Variants in PCBP3 observed in about 807,000 individuals in gnomAD.
The protein encoded by PCBP3 is poly(rC) binding protein 3.
Under a neutral mutation model 52.7 loss-of-function variants are expected in PCBP3, and 25 were observed. The observed-to-expected ratio is 0.47, with a 90% CI of 0.35 to 0.66. PCBP3 has a LOEUF of 0.66. Ranked by LOEUF, PCBP3 falls within the 30% of genes least tolerant of loss-of-function variation. The pLI, the probability that PCBP3 is intolerant of heterozygous loss-of-function variation, is 0.01. For synonymous variants in PCBP3, 162 were observed against 183.0 expected (o/e 0.89, Z 0.93); for missense variants, 391 against 490.3 (o/e 0.80, Z 1.91).
intron 2 of PCBP3, among the ~76,000 whole-genome samples, chr21:45,695,119 A>G (rs2082692561): frequency 6.6e-6 from 1 of 152,204 alleles, no homozygotes; most frequent in Non-Finnish European, 1.5e-5. Context: ...TTGAAATAGA[A>G]GAGTCAAGAA....
chr21:45,646,251 G>T (rs989576719), intron 1 of PCBP3, among the ~76,000 whole-genome samples: 3 of 151,848 alleles, frequency 2.0e-5, no homozygotes, highest in African/African-American at 7.3e-5. Context: ...TGTTGAATGG[G>T]AGCGTGTCTT....
In PCBP3 at chr21:45,821,230, C is replaced by T. The variant is rs2093126200; in HGVS notation, c.-125-28731C>T. 6.6e-6 allele frequency among the ~76,000 whole-genome samples: 1 copy of T among 152,066 alleles called. No homozygotes were observed. Among genetic ancestry groups the T allele is most frequent in the Admixed American group, 6.5e-5 (1 of 15,284 alleles). On this transcript the variant is annotated intron_variant, in intron 4 of 17. Transcript: ENST00000681687. This position sits in a 1 kb window ranked among gnomAD's most constrained non-coding sequence, Gnocchi z 4.4. ...GACCCCCTCTCCTGTGCAGCCTCTC[C>T]CTAATCCTGGATTCCGCAGGGGCTC...
intron 2 of PCBP3, among the ~76,000 whole-genome samples, chr21:45,688,681 A>T (rs553691628): frequency 8.6e-4 from 131 of 152,274 alleles, no homozygotes; most frequent in African/African-American, 3.0e-3. Flanking sequence ...TAATCATTGT[A>T]CTTGAAAAAG....
chr21:45,933,373 T>A (rs2076536900), intron 15 of PCBP3, among the ~76,000 whole-genome samples: 1 of 152,236 alleles, frequency 6.6e-6, no homozygotes, highest in Non-Finnish European at 1.5e-5. Flanking sequence ...GACATTTCTT[T>A]ATATTATTTG....
chr21:45,731,076 A>G (rs2085417117), intron 2 of PCBP3, among the ~76,000 whole-genome samples: 1 of 151,920 alleles, frequency 6.6e-6, no homozygotes, highest in African/African-American at 2.4e-5. Context: ...TTGGATTTCT[A>G]TTTTTCCCAC....
rs375605912 is a variant in PCBP3, at chr21:45,807,759, C to CAA, written c.-125-42193_-125-42192dup. Among the ~76,000 whole-genome samples the CAA allele has an allele frequency of 7.1e-3, 1,049 of 146,916 alleles. 12 individuals carry two copies. The highest frequency in any genetic ancestry group is 0.025 in the African/African-American group (988 of 40,300). On this transcript the variant is annotated intron_variant, in intron 4 of 17. Transcript: ENST00000681687. The stretch of plus-strand genomic sequence containing the variant: ...CTAAGCAAAAAAAACAAAAACAAAA[C>CAA]AAAAAAAAAACCTGGAGGCATCATG...
At chr21:45,685,765 G>GA (rs1208386158) in intron 2 of PCBP3, among the ~76,000 whole-genome samples, 2 of 152,116 alleles carry the variant, frequency 1.3e-5, no homozygotes, top group African/African-American at 4.8e-5. Flanking sequence ...GAAAGACTCT[G>GA]AAGAGAAGTA....
intron 13 of PCBP3, chr21:45,918,259 CCT>C (rs1437729912): frequency 6.4e-6 from 1 of 155,826 alleles, no homozygotes; most frequent in Admixed American, 6.4e-5. Flanking sequence ...GGCTCCGACA[CCT>C]CTTTTCTGCT....
intron 4 of PCBP3, chr21:45,762,422 T>A (rs1455161590): frequency 6.6e-6 from 1 of 152,172 alleles, no homozygotes; most frequent in East Asian, 1.9e-4. Context: ...TCTTTCCATG[T>A]GCGTTACCAA....
chr21:45,930,075 G>A, intron 14 of PCBP3, 80 bp downstream of exon 14: 1 of 1,027,210 alleles, frequency 9.7e-7, no homozygotes. Flanking sequence ...ATTCGGTGCA[G>A]TGCATAGAAC....
intron 4 of PCBP3, among the ~76,000 whole-genome samples, chr21:45,782,008 T>C (rs967982129): frequency 6.6e-6 from 1 of 152,200 alleles, no homozygotes; most frequent in Non-Finnish European, 1.5e-5. Context: ...CCGTTATGTG[T>C]ATCAGTAGTT....
At chr21:45,874,518 T>G (rs2095171916) in intron 5 of PCBP3, among the ~76,000 whole-genome samples, 2 of 150,630 alleles carry the variant, frequency 1.3e-5, no homozygotes, top group African/African-American at 4.9e-5. Context: ...TTTTTTTTTT[T>G]TTTTGAGACA....
In PCBP3 at chr21:45,654,990, T is replaced by G. The variant is rs975121084; in HGVS notation, c.-279+11122T>G. The stretch of plus-strand genomic sequence containing the variant: ...TAGTATGTGGCCTTTTGTGTCTGGC[T>G]TCTTTCACTTTGCATAACATTTTCA... On this transcript the variant is annotated intron_variant, in intron 1 of 17. Coordinates refer to ENST00000681687, the MANE Select transcript of PCBP3 (RefSeq NM_001384156.1). Among the ~76,000 whole-genome samples the G allele has an allele frequency of 4.6e-5, 7 of 152,348 alleles. No individual in the cohort carries two copies. In the East Asian group the frequency reaches 1.2e-3, roughly 25 times the overall value.
chr21:45,809,405 TAG>T (rs2092611705), intron 4 of PCBP3, among the ~76,000 whole-genome samples: 1 of 152,086 alleles, frequency 6.6e-6, no homozygotes, highest in Non-Finnish European at 1.5e-5. Context: ...GAGAGTTGAT[TAG>T]AAAGGTGATG....
At chr21:45,809,619 T>C (rs997993747) in intron 4 of PCBP3, among the ~76,000 whole-genome samples, 3 of 152,232 alleles carry the variant, frequency 2.0e-5, no homozygotes, top group African/African-American at 2.4e-5. Flanking sequence ...TAAAAGGAGC[T>C]GCCCCGCTTC....
chr21:45,879,169 G>C (rs1433573067), intron 5 of PCBP3, among the ~76,000 whole-genome samples: 1 of 152,084 alleles, frequency 6.6e-6, no homozygotes, highest in African/African-American at 2.4e-5. Flanking sequence ...ATTTTTCGTA[G>C]AGATGAGGTC....
intron 4 of PCBP3, among the ~76,000 whole-genome samples, chr21:45,809,442 AAG>A (rs2092612967): frequency 6.6e-6 from 1 of 152,292 alleles, no homozygotes; most frequent in South Asian, 2.1e-4. Context: ...ACGGGAGATA[AAG>A]AGGGGGTGTG....
intron 7 of PCBP3, 45 bp downstream of exon 7, chr21:45,899,667 G>A: frequency 1.3e-6 from 2 of 1,490,348 alleles, no homozygotes; most frequent in South Asian, 1.1e-5. Context: ...TCTCTGTAAG[G>A]GGATGGTGAG....
rs187969987 is a variant in PCBP3 at position 45,716,007 on chromosome 21, C to A, written c.-199-19385C>A. Among the ~76,000 whole-genome samples, 5 of 152,156 alleles carry A rather than the reference C, an allele frequency of 3.3e-5. No homozygotes were observed. The East Asian group carries it at 9.7e-4, about 29-fold the overall frequency. On this transcript the variant is annotated intron_variant, in intron 2 of 17. Coordinates refer to ENST00000681687, the MANE Select transcript of PCBP3 (RefSeq NM_001384156.1). Reference sequence around the variant, plus strand: ...AATTTATTTATTTTTTCTTTCATTGCTTATACTTTTGGTATCATATCTAGG... The same window carrying A: ...AATTTATTTATTTTTTCTTTCATTGATTATACTTTTGGTATCATATCTAGG...
Sources: gnomAD v4.1 joint callset for allele counts (sites outside exome capture counted in the v4.1 genomes callset) on GRCh38, gnomAD v4.1.1 for gene constraint, Gnocchi (gnomAD v3.1) non-coding constraint, MANE v1.5 for transcripts, NCBI Gene and HGNC (gene_info 2026-07-23, HGNC 2026-07-21) for gene names.